Variants in CD3G observed in about 807,000 individuals in gnomAD.
CD3G encodes CD3 gamma subunit of T-cell receptor complex, also known as T-cell surface glycoprotein CD3 gamma chain.
Under a neutral mutation model 28.3 loss-of-function variants are expected in CD3G, and 24 were observed. That is an observed-to-expected ratio of 0.85 (90% CI 0.61 to 1.19). The LOEUF (loss-of-function observed/expected upper bound fraction) is 1.19. Ranked by LOEUF, CD3G falls within the 50% of genes most tolerant of loss-of-function variation. CD3G has a pLI of 0.00. For missense variants in CD3G, 211 were observed against 210.0 expected (o/e 1.00, Z -0.03); for synonymous variants, 71 against 75.9 (o/e 0.93, Z 0.34).
At chr11:118,351,532 TA>T in intron 4 of CD3G, 95 bp from the exon 5 acceptor site, 1 of 1,146,660 alleles carries the variant, frequency 8.7e-7, no homozygotes, top group Non-Finnish European at 1.3e-6. Flanking sequence ...TGTGTATATA[TA>T]AAACTCTTAT....
In CD3G at chr11:118,350,607, TGAAATCGTCA is replaced by T. The variant is rs746607767; in HGVS notation, c.365_374del (p.Glu122AlafsTer55). The T allele has an allele frequency of 1.2e-6, 2 of 1,614,112 alleles. No individual in the cohort carries two copies. The highest frequency in any genetic ancestry group is 1.7e-6 in the Non-Finnish European group (2 of 1,180,014). On this transcript the variant is annotated frameshift_variant, in exon 4 of 7. Coordinates refer to ENST00000532917, the MANE Select transcript of CD3G (RefSeq NM_000073.3). LOFTEE classifies it high-confidence loss of function. Reference sequence around the variant, plus strand: ...CCACCATATCTGGCTTTCTCTTTGCTGAAATCGTCAGCATTTTCGTCCTTGCTGTTGGGGT... The same window carrying T: ...CCACCATATCTGGCTTTCTCTTTGCTGCATTTTCGTCCTTGCTGTTGGGGT...
Position 118,352,406 on chromosome 11 carries a change from C to A in CD3G, c.486C>A (p.Pro162=), listed in dbSNP as rs767892564. The A allele has an allele frequency of 1.9e-6, 3 of 1,613,660 alleles. No individual in the cohort carries two copies. In the Admixed American group the frequency reaches 5.0e-5, roughly 27 times the overall value. ...TLLPNDQLYQ[P]LKDREDDQYS... ...TATGACTGTGCTGTCCTTTCCAGCC[C>A]CTCAAGGATCGAGAAGATGACCAGT... is the stretch of plus-strand genomic sequence containing the variant. Residue 162 remains proline, a splice_region_variant and synonymous_variant, in exon 6 of 7, where the codon CCC becomes CCA. Coordinates refer to ENST00000532917, the MANE Select transcript of CD3G (RefSeq NM_000073.3).
At chr11:118,349,631 A>C (rs1033496876) in intron 2 of CD3G, 112 bp from the exon 3 acceptor site, 1 of 840,656 alleles carries the variant, frequency 1.2e-6, no homozygotes, top group Non-Finnish European at 2.0e-6. Context: ...CATGTGATTC[A>C]TGTGCACATC....
chr11:118,349,204 C>G, intron 2 of CD3G, 154 bp downstream of exon 2: 1 of 1,586,438 alleles, frequency 6.3e-7, no homozygotes, highest in South Asian at 1.1e-5. Context: ...AATCAGTGAC[C>G]TGACATAACC....
At chr11:118,352,115 C>T (rs1394686584) in intron 5 of CD3G, among the ~76,000 whole-genome samples, 4 of 151,850 alleles carry the variant, frequency 2.6e-5, no homozygotes, top group Non-Finnish European at 5.9e-5. Context: ...ACTCAGGAGG[C>T]TGAGGCAGGA....
intron 2 of CD3G, chr11:118,349,519 C>A: frequency 1.6e-6 from 1 of 619,718 alleles, no homozygotes; most frequent in Non-Finnish European, 2.8e-6. Context: ...TTATTCTTCA[C>A]CCCCTGACGC....
At chr11:118,347,464 G>A (rs1220362948) in intron 1 of CD3G, among the ~76,000 whole-genome samples, 5 of 152,094 alleles carry the variant, frequency 3.3e-5, no homozygotes, top group Non-Finnish European at 7.4e-5. Context: ...AGCAGCAGTT[G>A]ATTCTTCATA....
In CD3G at chr11:118,349,737, T is replaced by C. The variant is rs909790660; in HGVS notation, c.80-6T>C. The C allele has an allele frequency of 6.2e-7, 1 of 1,610,422 alleles. No homozygotes were observed. The highest frequency in any genetic ancestry group is 1.3e-5 in the African/African-American group (1 of 74,978). ...CTTAATAGAACCACGGCTTTTCTCA[T>C]TTCAGGAAACCACTTGGTTAAGGTG... On this transcript the variant is annotated splice_region_variant and splice_polypyrimidine_tract_variant and intron_variant, in intron 2 of 6. Coordinates refer to ENST00000532917, the MANE Select transcript of CD3G (RefSeq NM_000073.3).
chr11:118,346,212 T>A (rs1948354506), intron 1 of CD3G, among the ~76,000 whole-genome samples: 1 of 152,148 alleles, frequency 6.6e-6, no homozygotes, highest in Non-Finnish European at 1.5e-5. Flanking sequence ...GGCAGGTGGA[T>A]CACCTGAGGT....
At position 118,351,675 on chromosome 11, in the gene CD3G, A is replaced by T; in HGVS notation, c.483+4A>T. 6.2e-7 allele frequency: 1 copy of T among 1,613,760 alleles called. No homozygotes were observed. The highest frequency in any genetic ancestry group is 8.5e-7 in the Non-Finnish European group (1 of 1,179,708). On this transcript the variant is annotated splice_donor_region_variant and intron_variant, in intron 5 of 6. Coordinates refer to ENST00000532917, the MANE Select transcript of CD3G (RefSeq NM_000073.3). ...GCCCAATGACCAGCTCTACCAGGTA[A>T]GGGGATGAAGAATAAAAGAGACATT...
chr11:118,351,186 C>CAAAAAA (rs34109639), intron 4 of CD3G, among the ~76,000 whole-genome samples: 7 of 70,600 alleles, frequency 9.9e-5, no homozygotes, highest in African/African-American at 3.8e-4. Context: ...GACTCCGTCT[C>CAAAAAA]AAAAAAAAAA....
chr11:118,352,463 G>A lies in CD3G; in HGVS notation c.543G>A (p.Arg181=). 2 of 1,613,650 alleles carry A rather than the reference G, an allele frequency of 1.2e-6. No individual in the cohort carries two copies. The highest frequency in any genetic ancestry group is 1.7e-6 in the Non-Finnish European group (2 of 1,179,620). The part of the protein sequence containing the change: ...YSHLQGNQLR[R]N ...ACCTTCAAGGAAACCAGTTGAGGAG[G>A]AATTGAACTCAGGACTCAGAGTAGG... Residue 181 remains arginine (R), a synonymous_variant, in exon 6 of 7, where the codon AGG becomes AGA. Transcript: ENST00000532917.
chr11:118,347,139 G>A (rs3212262), intron 1 of CD3G, among the ~76,000 whole-genome samples: 4 of 151,980 alleles, frequency 2.6e-5, no homozygotes, highest in African/African-American at 4.8e-5. Context: ...ACTCATGACC[G>A]CCTCTCCCTA....
At chr11:118,348,635 C>A (rs536900613) in intron 1 of CD3G, among the ~76,000 whole-genome samples, 8 of 152,256 alleles carry the variant, frequency 5.3e-5, no homozygotes, top group African/African-American at 1.9e-4. Flanking sequence ...AGGATCCCTT[C>A]CTGGGGCTGA....
chr11:118,350,011 A>G, intron 3 of CD3G, 41 bp downstream of exon 3: 9 of 1,515,658 alleles, frequency 5.9e-6, no homozygotes, highest in Non-Finnish European at 8.2e-6. Context: ...GAAATTAATC[A>G]GTATTTGCTG....
chr11:118,344,451 C>T lies in CD3G; in HGVS notation c.28C>T (p.Leu10Phe). The T allele has an allele frequency of 1.3e-6, 2 of 1,571,370 alleles. No individual in the cohort carries two copies. Among genetic ancestry groups the T allele is most frequent in the African/African-American group, 1.3e-5 (1 of 74,384 alleles). The change falls in exon 1 of 7, where the codon CTC becomes TTC. Residue 10 changes from leucine (L) to phenylalanine (F), a missense_variant. Physicochemically the swap from Leu to Phe is conservative, Grantham distance 22. Coordinates refer to ENST00000532917, the MANE Select transcript of CD3G (RefSeq NM_000073.3). ...GGAACAGGGGAAGGGCCTGGCTGTCCTCATCCTGGCTATCATTCTTCTTCA... is the reference window on the plus strand; with the variant it reads ...GGAACAGGGGAAGGGCCTGGCTGTCTTCATCCTGGCTATCATTCTTCTTCA... The part of the protein sequence containing the change: MEQGKGLAV[L>F]ILAIILLQGT...
At chr11:118,350,831 A>G in intron 4 of CD3G, 148 bp downstream of exon 4, 1 of 1,509,566 alleles carries the variant, frequency 6.6e-7, no homozygotes, top group Non-Finnish European at 8.8e-7. Flanking sequence ...AGACAGGAGA[A>G]AGGATACTTG....
rs988912000 is a variant in CD3G, at chr11:118,344,606, A to C, written c.55+128A>C. The C allele has an allele frequency of 5.0e-6, 4 of 796,764 alleles. No homozygotes were observed. In the African/African-American group the frequency reaches 6.8e-5, roughly 14 times the overall value. 49.4% of individuals were successfully genotyped at this position (796,764 alleles called of 1,614,324 possible). The stretch of plus-strand genomic sequence containing the variant: ...CTGCTGTCACCTTAGAGTTCAAAGA[A>C]GGGCAAAATGGAGGCTCTTAACTGT... On this transcript the variant is annotated intron_variant, in intron 1 of 6. Transcript: ENST00000532917.
At chr11:118,350,889 GAA>G (rs372079196) in intron 4 of CD3G, 665 of 628,316 alleles carry the variant, frequency 1.1e-3, no homozygotes, top group South Asian at 1.9e-3. Context: ...CTCCCTCTGT[GAA>G]AAAAAAAAAA....
Sources: gnomAD v4.1 joint callset for allele counts (sites outside exome capture counted in the v4.1 genomes callset) on GRCh38, gnomAD v4.1.1 for gene constraint, MANE v1.5 for transcripts, NCBI Gene and HGNC (gene_info 2026-07-23, HGNC 2026-07-21) for gene names.